SUGP1: variants seen among roughly 807,000 people sequenced by gnomAD.
SUGP1 encodes SURP and G-patch domain-containing protein 1.
Under a neutral mutation model 76.5 loss-of-function variants are expected in SUGP1, and 34 were observed. That is an observed-to-expected ratio of 0.44 (90% CI 0.34 to 0.59). The LOEUF (loss-of-function observed/expected upper bound fraction) is 0.59, where lower values mean the gene tolerates loss of function less well. SUGP1 is among the 20% of genes least tolerant of loss of function. SUGP1 has a pLI of 0.01. For missense variants in SUGP1, 752 were observed against 851.7 expected (o/e 0.88, Z 1.46); for synonymous variants, 326 against 326.2 (o/e 1.00, Z 0.01).
At chr19:19,318,411 C>T (rs12976025) in intron 1 of SUGP1, among the ~76,000 whole-genome samples, 29,986 of 151,874 alleles carry the variant, frequency 0.2, 3,224 homozygotes, top group South Asian at 0.35. Flanking sequence ...TGAGCCACCA[C>T]ACCCAGCCGT....
rs1478965717 is a variant in SUGP1 at position 19,277,751 on chromosome 19, G to T, written c.1764C>A (p.Ile588=). The change falls in exon 12 of 14, where the codon ATC becomes ATA. Residue 588 remains isoleucine (I), a synonymous_variant. Coordinates refer to ENST00000247001, the MANE Select transcript of SUGP1 (RefSeq NM_172231.4). ...GEGLGSEGQG[I]KNPVNKGTTT... The stretch of plus-strand genomic sequence containing the variant: ...ACACTCACTTGTTCACTGGGTTCTT[G>T]ATGCCCTGGCCCTCTGAGCCCAGCC... The T allele has an allele frequency of 5.6e-6, 9 of 1,614,012 alleles. No individual in the cohort carries two copies. Among genetic ancestry groups the T allele is most frequent in the Non-Finnish European group, 7.6e-6 (9 of 1,179,970 alleles).
At chr19:19,302,171 C>G in intron 7 of SUGP1, 94 bp downstream of exon 7, 1 of 1,544,824 alleles carries the variant, frequency 6.5e-7, no homozygotes, top group Non-Finnish European at 8.7e-7. Context: ...AGTGGGACCC[C>G]AGCAGGTGGC....
intron 2 of SUGP1, among the ~76,000 whole-genome samples, chr19:19,313,346 G>A (rs899637782): frequency 2.6e-5 from 4 of 152,136 alleles, no homozygotes; most frequent in Non-Finnish European, 5.9e-5. Context: ...AGTGGGCCAA[G>A]ATCGCGCCAT....
intron 7 of SUGP1, among the ~76,000 whole-genome samples, chr19:19,298,690 T>C (rs1185990913): frequency 6.6e-6 from 1 of 152,018 alleles, no homozygotes; most frequent in African/African-American, 2.4e-5. Context: ...ATGCAAAGAT[T>C]AAGAGGTAAA....
chr19:19,318,113 C>CTTTTCTTTTTTTTTTTTTT (rs55849619), intron 1 of SUGP1, among the ~76,000 whole-genome samples: 1 of 97,716 alleles, frequency 1.0e-5, no homozygotes, highest in East Asian at 3.0e-4. Context: ...ACCCAGCCTT[C>CTTTTCTTTTTTTTTTTTTT]TTTTTTTTTT....
chr19:19,309,735 C>G (rs911541852), intron 3 of SUGP1, among the ~76,000 whole-genome samples: 29 of 152,030 alleles, frequency 1.9e-4, no homozygotes, highest in African/African-American at 6.5e-4. Context: ...ATGATGAAAC[C>G]CCATCTCTAC....
intron 11 of SUGP1, 121 bp from the exon 12 acceptor site, chr19:19,278,000 AC>A: frequency 1.7e-6 from 2 of 1,166,992 alleles, no homozygotes; most frequent in Non-Finnish European, 1.2e-6. Flanking sequence ...CCTCCCTCTC[AC>A]CAGATCAGAC....
intron 8 of SUGP1, among the ~76,000 whole-genome samples, chr19:19,289,804 G>A (rs1197876016): frequency 6.6e-6 from 1 of 152,080 alleles, no homozygotes; most frequent in Non-Finnish European, 1.5e-5. Context: ...AATGAAGAAA[G>A]AGGTTCCGGA....
intron 8 of SUGP1, among the ~76,000 whole-genome samples, chr19:19,295,191 G>A (rs1376826472): frequency 6.6e-6 from 1 of 151,518 alleles, no homozygotes; most frequent in Non-Finnish European, 1.5e-5. Context: ...TTCAACACCA[G>A]CCTGGTCAAC....
intron 8 of SUGP1, among the ~76,000 whole-genome samples, chr19:19,290,980 G>C (rs1179557407): frequency 6.6e-6 from 1 of 151,992 alleles, no homozygotes; most frequent in Non-Finnish European, 1.5e-5. Context: ...AGCTGGGCGT[G>C]GGGGCGCCCA....
intron 8 of SUGP1, among the ~76,000 whole-genome samples, chr19:19,288,589 T>G (rs1012346090): frequency 1.3e-5 from 2 of 151,910 alleles, no homozygotes. Flanking sequence ...ACCCTGTCTC[T>G]ACAAAAAATT....
intron 7 of SUGP1, among the ~76,000 whole-genome samples, chr19:19,300,407 C>G (rs2061262148): frequency 6.6e-6 from 1 of 152,210 alleles, no homozygotes; most frequent in African/African-American, 2.4e-5. Flanking sequence ...CAGTTGGTTA[C>G]AAATTGTTTC....
intron 8 of SUGP1, among the ~76,000 whole-genome samples, chr19:19,289,548 G>A (rs1460200628): frequency 6.6e-6 from 1 of 152,162 alleles, no homozygotes; most frequent in Admixed American, 6.6e-5. Flanking sequence ...AGGAGTTCAA[G>A]ATCAGTCTGG....
rs910359066 is a variant in SUGP1 at position 19,316,608 on chromosome 19, G to T, written c.35-15C>A. The T allele has an allele frequency of 3.7e-6, 6 of 1,613,090 alleles. No individual in the cohort carries two copies. The South Asian group carries it at 6.6e-5, about 18-fold the overall frequency. ...GTTAGCCTTTCCTGGGGAGGGAAAA[G>T]GAGTACGTCGGAAATCACCCTTACT... On this transcript the variant is annotated splice_polypyrimidine_tract_variant and intron_variant, in intron 1 of 13. Transcript: ENST00000247001.
At position 19,320,454 on chromosome 19, in the gene SUGP1, G is replaced by A. The variant is rs769468191; in HGVS notation, c.34+9C>T. ...AGGCGGCCGCCTGAGAGGAGGCGGG[G>A]GCTGTTACCTGCAACATCCCGGTTG... On this transcript the variant is annotated intron_variant, in intron 1 of 13. Transcript: ENST00000247001. The A allele has an allele frequency of 1.2e-6, 2 of 1,610,376 alleles. No homozygotes were observed. The highest frequency in any genetic ancestry group is 1.7e-6 in the Non-Finnish European group (2 of 1,178,622).
chr19:19,320,354 G>T (rs2061433889), intron 1 of SUGP1, 109 bp downstream of exon 1: 5 of 1,235,490 alleles, frequency 4.0e-6, no homozygotes, highest in Non-Finnish European at 5.6e-6. Context: ...CTGCCCCGGG[G>T]CTGAAGCGAG....
At position 19,302,254 on chromosome 19, in the gene SUGP1, G is replaced by C. The variant is rs756087340; in HGVS notation, c.887+11C>G. The C allele has an allele frequency of 6.2e-7, 1 of 1,613,912 alleles. No homozygotes were observed. The highest frequency in any genetic ancestry group is 1.3e-5 in the African/African-American group (1 of 75,056). ...GGGTGACGGTCACCTCCCTGGCAGG[G>C]CCCCCCTTACCTGAATGCCTGGTTC... is the stretch of plus-strand genomic sequence containing the variant. On this transcript the variant is annotated intron_variant, in intron 7 of 13. Transcript: ENST00000247001.
intron 2 of SUGP1, among the ~76,000 whole-genome samples, chr19:19,314,427 G>GT (rs1386822043): frequency 6.6e-6 from 1 of 152,034 alleles, no homozygotes; most frequent in Non-Finnish European, 1.5e-5. Flanking sequence ...AGTGACTTTG[G>GT]TTTTTTGTTT....
chr19:19,296,587 T>C (rs1198500780), intron 8 of SUGP1, among the ~76,000 whole-genome samples: 3 of 150,450 alleles, frequency 2.0e-5, no homozygotes, highest in South Asian at 2.1e-4. Flanking sequence ...GCAGAGCTTA[T>C]GGTGAGCTGA....
Sources: gnomAD v4.1 joint callset for allele counts (sites outside exome capture counted in the v4.1 genomes callset) on GRCh38, gnomAD v4.1.1 for gene constraint, MANE v1.5 for transcripts, NCBI Gene and HGNC (gene_info 2026-07-23, HGNC 2026-07-21) for gene names.